CFAP44: variants seen among roughly 807,000 people sequenced by gnomAD.
The protein encoded by CFAP44 is cilia- and flagella-associated protein 44.
In CFAP44, 134 loss-of-function variants were observed where a neutral mutation model predicts 216.2. The observed-to-expected ratio is 0.62, with a 90% CI of 0.54 to 0.72. The LOEUF is 0.72. CFAP44 is among the 30% of genes least tolerant of loss of function. CFAP44 has a pLI of 0.00. For synonymous variants in CFAP44, 700 were observed against 727.6 expected, an observed-to-expected ratio of 0.96 and a Z score of 0.61; for missense variants, 2,035 against 2,182.1, an observed-to-expected ratio of 0.93 and a Z score of 1.34.
intron 13 of CFAP44, among the ~76,000 whole-genome samples, chr3:113,399,565 G>T (rs1934086590): frequency 6.6e-6 from 1 of 151,994 alleles, no homozygotes; most frequent in Admixed American, 6.6e-5. Context: ...CTAAAACAAG[G>T]CCTGGCACAT....
chr3:113,430,964 C>T (rs961967928), intron 2 of CFAP44, among the ~76,000 whole-genome samples: 8 of 152,100 alleles, frequency 5.3e-5, no homozygotes, highest in African/African-American at 1.9e-4. Flanking sequence ...TACACTCGAC[C>T]TAAATTTCTT....
Position 113,388,401 on chromosome 3 carries a change from G to C in CFAP44, c.1891-7341C>G, listed in dbSNP as rs576531399. ...ACTTCAATGAAAAAAACATACAATGGATATACAAGAAATTTAAAACATACC... is the reference window on the plus strand; with the variant it reads ...ACTTCAATGAAAAAAACATACAATGCATATACAAGAAATTTAAAACATACC... On this transcript the variant is annotated intron_variant, in intron 15 of 34. Coordinates refer to ENST00000393845, the MANE Select transcript of CFAP44 (RefSeq NM_001164496.2). 2.6e-5 allele frequency among the ~76,000 whole-genome samples: 4 copies of C among 152,116 alleles called. No individual in the cohort carries two copies. The East Asian group carries it at 7.7e-4, about 29-fold the overall frequency.
chr3:113,402,130 C>G (rs6791942), intron 9 of CFAP44, among the ~76,000 whole-genome samples: 2 of 152,148 alleles, frequency 1.3e-5, no homozygotes, highest in Non-Finnish European at 2.9e-5. Flanking sequence ...TACCAGCAGG[C>G]CCCTGGAAGG....
intron 32 of CFAP44, among the ~76,000 whole-genome samples, chr3:113,301,933 A>T (rs1242132766): frequency 6.6e-6 from 1 of 152,184 alleles, no homozygotes; most frequent in Non-Finnish European, 1.5e-5. Context: ...ACTGTACCCC[A>T]GCCCACAACC....
Position 113,427,043 on chromosome 3 carries a change from A to G in CFAP44, c.253+144T>C, listed in dbSNP as rs572558659. On this transcript the variant is annotated intron_variant, in intron 3 of 34. Coordinates refer to ENST00000393845, the MANE Select transcript of CFAP44 (RefSeq NM_001164496.2). ...TCTAGGGCTGCTAAAGTACCCTACC[A>G]AAATATGTACTTGTCCTTTTATCAT... The G allele has an allele frequency of 1.0e-4, 92 of 902,688 alleles. 1 individual carries two copies. The Admixed American group carries it at 2.5e-3, about 25-fold the overall frequency. 55.9% of individuals were successfully genotyped at this position (902,688 alleles called of 1,614,324 possible). A position where few individuals can be genotyped will look rare whatever the true frequency, so the allele number is the denominator to read the frequency against.
At chr3:113,378,602 G>A (rs1933416892) in intron 17 of CFAP44, among the ~76,000 whole-genome samples, 1 of 152,130 alleles carries the variant, frequency 6.6e-6, no homozygotes, top group Non-Finnish European at 1.5e-5. Context: ...ATTTTTGGTG[G>A]AGGGAACTGA....
chr3:113,358,777 T>C lies in CFAP44; in HGVS notation c.3033A>G (p.Lys1011=), dbSNP rs942819881. The change falls in exon 22 of 35, where the codon AAA becomes AAG. Residue 1011 remains lysine (K), a synonymous_variant. Transcript: ENST00000393845. ...VEKELAWEKE[K]HELGLMKLKN... ...TTAGCTTCATTAGGCCGAGTTCATG[T>C]TTCTCTTTTTCCCAAGCTAATTCCT... The C allele has an allele frequency of 6.5e-7, 1 of 1,536,788 alleles. No homozygotes were observed. Among genetic ancestry groups the C allele is most frequent in the Non-Finnish European group, 8.7e-7 (1 of 1,146,568 alleles).
chr3:113,407,008 G>C lies in CFAP44; in HGVS notation c.924C>G (p.Leu308=), dbSNP rs1254805347. The change falls in exon 8 of 35, where the codon CTC becomes CTG. Residue 308 remains leucine (L), a synonymous_variant. Transcript: ENST00000393845. ...FWEMAFTFTG[L]KLQGSLGRFG... is the part of the protein sequence containing the mutation. ...ATCGACCTAGTGATCCCTGCAGCTT[G>C]AGACCGGTGAACGTAAAAGCCATTT... 3.1e-6 allele frequency: 5 copies of C among 1,614,020 alleles called. No individual in the cohort carries two copies. In the African/African-American group the frequency reaches 5.3e-5, roughly 17 times the overall value.
chr3:113,316,320 A>C (rs1407961926), intron 28 of CFAP44, among the ~76,000 whole-genome samples: 1 of 152,212 alleles, frequency 6.6e-6, no homozygotes, highest in Admixed American at 6.5e-5. Context: ...AATTTATAGC[A>C]CTAAATTAGA....
At chr3:113,309,131 G>C (rs1257347474) in intron 28 of CFAP44, among the ~76,000 whole-genome samples, 2 of 152,124 alleles carry the variant, frequency 1.3e-5, no homozygotes, top group African/African-American at 4.8e-5. Context: ...CTGACCTTGA[G>C]CTGTGTCCTT....
intron 4 of CFAP44, among the ~76,000 whole-genome samples, chr3:113,420,542 C>A (rs1934786991): frequency 6.6e-6 from 1 of 152,156 alleles, no homozygotes; most frequent in Admixed American, 6.5e-5. Context: ...GGCAGCAAAA[C>A]TGTCACCTAA....
chr3:113,433,831 C>T lies in CFAP44; in HGVS notation c.-5-162G>A, dbSNP rs181121271. The T allele has an allele frequency of 1.2e-4, 68 of 579,552 alleles. No individual in the cohort carries two copies. In the East Asian group the frequency reaches 2.0e-3, roughly 17 times the overall value. The allele number at this position is 579,552 out of a possible 1,614,324, so 35.9% of individuals were successfully genotyped here. A position where few individuals can be genotyped will look rare whatever the true frequency, so the allele number is the denominator to read the frequency against. The stretch of plus-strand genomic sequence containing the variant: ...CACCAGTAGGAGGGTGCAACTACCA[C>T]CAGAGACCTCTGACCTCTGCAAGAC... On this transcript the variant is annotated intron_variant, in intron 1 of 34. Transcript: ENST00000393845.
chr3:113,405,116 C>A (rs1296026249), intron 8 of CFAP44, among the ~76,000 whole-genome samples: 1 of 152,196 alleles, frequency 6.6e-6, no homozygotes, highest in African/African-American at 2.4e-5. Flanking sequence ...TTTTTACCTG[C>A]ATGCTCTAGA....
At chr3:113,317,477 G>A (rs546900088) in intron 28 of CFAP44, among the ~76,000 whole-genome samples, 4 of 152,304 alleles carry the variant, frequency 2.6e-5, no homozygotes, top group African/African-American at 7.2e-5. Flanking sequence ...ATGCCTCACC[G>A]CCCTGCAGGA....
chr3:113,408,405 T>C (rs1175570963), intron 7 of CFAP44, among the ~76,000 whole-genome samples: 1 of 152,216 alleles, frequency 6.6e-6, no homozygotes, highest in East Asian at 1.9e-4. Context: ...AGTGTGATAA[T>C]TCTTGTTTTA....
At chr3:113,344,473 T>G in intron 23 of CFAP44, 43 bp downstream of exon 23, 1 of 1,492,402 alleles carries the variant, frequency 6.7e-7, no homozygotes, top group Non-Finnish European at 9.0e-7. Flanking sequence ...ACTTTTGAAG[T>G]CTTAGTAAAT....
intron 21 of CFAP44, among the ~76,000 whole-genome samples, chr3:113,359,138 T>C (rs1290707231): frequency 6.6e-6 from 1 of 152,208 alleles, no homozygotes. Context: ...GCTATCAATA[T>C]TTGGAGAGTA....
chr3:113,295,892 C>CAT, intron 33 of CFAP44, among the ~76,000 whole-genome samples: 1 of 152,290 alleles, frequency 6.6e-6, no homozygotes, highest in South Asian at 2.1e-4. Context: ...CTAAAACTGT[C>CAT]AGAGCATTTA....
chr3:113,350,418 C>T (rs1440820031), intron 22 of CFAP44, among the ~76,000 whole-genome samples: 1 of 151,260 alleles, frequency 6.6e-6, no homozygotes, highest in East Asian at 1.9e-4. Context: ...AAGAGGGAGT[C>T]AGAAAGAGAG....
Sources: allele counts gnomAD v4.1 joint callset (sites outside exome capture counted in the v4.1 genomes callset), GRCh38; gene constraint gnomAD v4.1.1; transcripts MANE v1.5; gene names NCBI Gene and HGNC (gene_info 2026-07-23, HGNC 2026-07-21).